ZFHX3: variants seen among roughly 807,000 people sequenced by gnomAD.
ZFHX3 encodes the protein zinc finger homeobox 3.
A neutral mutation model predicts 279.1 loss-of-function variants in ZFHX3; 42 were observed. That is an observed-to-expected ratio of 0.15 (90% CI 0.12 to 0.19). The LOEUF is 0.19. ZFHX3 is among the 10% of genes least tolerant of loss of function. The probability of loss-of-function intolerance (pLI) is 1.00; values close to 1 mark genes in which losing one functional copy is unlikely to be tolerated. For missense variants in ZFHX3, 4,981 were observed against 4,754.0 expected (o/e 1.05, Z -1.40); for synonymous variants, 2,293 against 1,957.8 (o/e 1.17, Z -4.52).
chr16:73,077,220 A>T (rs531952026), intron 8 of ZFHX3, among the ~76,000 whole-genome samples: 63 of 152,304 alleles, frequency 4.1e-4, no homozygotes, highest in East Asian at 1.9e-3. Context: ...GATTATATTG[A>T]TCATTTCCCC....
chr16:73,769,392 T>C (rs1292781344), intron 1 of ZFHX3, among the ~76,000 whole-genome samples: 2 of 152,160 alleles, frequency 1.3e-5, no homozygotes, highest in Non-Finnish European at 2.9e-5. Flanking sequence ...ACCTGGAAAA[T>C]GTCATAATGA....
At chr16:73,389,924 G>C (rs1475352458) in intron 3 of ZFHX3, among the ~76,000 whole-genome samples, 2 of 152,156 alleles carry the variant, frequency 1.3e-5, no homozygotes, top group Non-Finnish European at 2.9e-5. Context: ...GCCAGGTGTG[G>C]TGGCGCACGC....
chr16:73,150,711 C>T (rs1178586431), intron 5 of ZFHX3, among the ~76,000 whole-genome samples: 3 of 152,144 alleles, frequency 2.0e-5, no homozygotes. Flanking sequence ...ATGATTTGCT[C>T]TCATGATTTG....
intron 1 of ZFHX3, among the ~76,000 whole-genome samples, chr16:73,809,941 C>A (rs1019319182): frequency 1.3e-5 from 2 of 152,116 alleles, no homozygotes; most frequent in Non-Finnish European, 2.9e-5. Context: ...TGCTTGGTAG[C>A]AGTTCAAGGG....
intron 3 of ZFHX3, among the ~76,000 whole-genome samples, chr16:73,436,940 G>A (rs930826863): frequency 1.9e-4 from 29 of 152,102 alleles, no homozygotes; most frequent in Non-Finnish European, 4.1e-4. Context: ...TCCCTCCACA[G>A]ATGCCTTGAA....
rs1254690139 is a variant in ZFHX3, at chr16:72,797,526, A to G, written c.5156T>C (p.Ile1719Thr). 15 of 1,613,738 alleles carry G rather than the reference A, an allele frequency of 9.3e-6. No homozygotes were observed. The highest frequency in any genetic ancestry group is 2.7e-5 in the African/African-American group (2 of 74,848). ...EANRKKLADM[I>T]ASRQQQQQQQ... Reference sequence around the variant, plus strand: ...CTGTTGTTGCTGCTGCCTGGATGCAATCATATCTGCCAGTTTCTTCCGATT... The same window carrying G: ...CTGTTGTTGCTGCTGCCTGGATGCAGTCATATCTGCCAGTTTCTTCCGATT... The change falls in exon 9 of 10, where the codon ATT (isoleucine) becomes ACT (threonine). Residue 1719 changes from isoleucine to threonine, a missense_variant. This residue lies in a region of ZFHX3 where 1,751 missense variants were observed against 1,770.0 expected (regional missense o/e 0.99). Coordinates refer to ENST00000268489, the MANE Select transcript of ZFHX3 (RefSeq NM_006885.4).
chr16:73,759,770 G>C (rs1461770293), intron 1 of ZFHX3, among the ~76,000 whole-genome samples: 1 of 151,920 alleles, frequency 6.6e-6, no homozygotes, highest in Non-Finnish European at 1.5e-5. Flanking sequence ...TATGCCCTTT[G>C]AGTTTTGTGA....
chr16:73,265,015 C>CATATATATATATATATAT lies in ZFHX3; in HGVS notation c.-1193-7897_-1193-7880dup, dbSNP rs59599339. On this transcript the variant is annotated intron_variant, in intron 4 of 17. Coordinates refer to the ZFHX3 transcript ENST00000641206. ...TATATATATATATAGCACCTCAGTG[C>CATATATATATATATATAT]ATATATATATATATATATAACACCT... Among the ~76,000 whole-genome samples, 180 of 142,086 alleles carry CATATATATATATATATAT rather than the reference C, an allele frequency of 1.3e-3. 2 individuals are homozygous for CATATATATATATATATAT. The highest frequency in any genetic ancestry group is 4.1e-3 in the African/African-American group (160 of 38,694). The allele number at this position is 142,086 out of a possible 152,430, so 93.2% of individuals were successfully genotyped here.
At chr16:73,006,822 T>C (rs1332755713) in intron 1 of ZFHX3, among the ~76,000 whole-genome samples, 5 of 152,154 alleles carry the variant, frequency 3.3e-5, no homozygotes, top group African/African-American at 9.7e-5. Flanking sequence ...AACAGCATAA[T>C]ATGCACAACC....
intron 7 of ZFHX3, among the ~76,000 whole-genome samples, chr16:72,804,001 C>T (rs866212012): frequency 1.3e-5 from 2 of 152,230 alleles, no homozygotes; most frequent in Non-Finnish European, 2.9e-5. Context: ...AAGAAACCAT[C>T]AGCTGACTGG....
At chr16:73,706,431 G>A (rs1266861950) in intron 1 of ZFHX3, among the ~76,000 whole-genome samples, 2 of 147,606 alleles carry the variant, frequency 1.4e-5, no homozygotes, top group Non-Finnish European at 3.0e-5. Context: ...ACTCCAGCCT[G>A]GGTGACAAGA....
chr16:73,409,762 T>C (rs1050362076), intron 3 of ZFHX3, among the ~76,000 whole-genome samples: 5 of 152,158 alleles, frequency 3.3e-5, no homozygotes, highest in African/African-American at 1.2e-4. Flanking sequence ...CATAACACAA[T>C]GGAGTACTAT....
At chr16:73,112,701 G>A (rs189699907) in intron 7 of ZFHX3, among the ~76,000 whole-genome samples, 352 of 122,662 alleles carry the variant, frequency 2.9e-3, no homozygotes, top group African/African-American at 0.01. Flanking sequence ...GGGCGACGGC[G>A]TGAGACTCCA....
intron 1 of ZFHX3, chr16:72,973,926 G>A (rs1330458295): frequency 1.3e-5 from 2 of 152,180 alleles, no homozygotes; most frequent in African/African-American, 4.8e-5. Context: ...CTACATGCAA[G>A]TGAACCCCTG....
At chr16:73,250,635 G>A (rs1406438290) in intron 5 of ZFHX3, among the ~76,000 whole-genome samples, 4 of 152,062 alleles carry the variant, frequency 2.6e-5, no homozygotes, top group South Asian at 4.1e-4. Flanking sequence ...CTGGATTCAC[G>A]CCATTCTTCT....
At chr16:73,018,283 C>T (rs560834040) in intron 1 of ZFHX3, among the ~76,000 whole-genome samples, 2 of 151,630 alleles carry the variant, frequency 1.3e-5, no homozygotes, top group Non-Finnish European at 2.9e-5. Flanking sequence ...TGAGCATACA[C>T]GCCTGGCCAT....
chr16:73,167,339 T>C (rs2042765253), intron 5 of ZFHX3, among the ~76,000 whole-genome samples: 1 of 152,222 alleles, frequency 6.6e-6, no homozygotes, highest in Admixed American at 6.5e-5. Flanking sequence ...GCCACACGTT[T>C]AATCCATGTG....
chr16:73,722,916 A>G (rs1470301273), intron 1 of ZFHX3, among the ~76,000 whole-genome samples: 1 of 152,204 alleles, frequency 6.6e-6, no homozygotes, highest in Admixed American at 6.5e-5. Flanking sequence ...TTGGATGGTC[A>G]ATTCCAAACC....
In ZFHX3 at chr16:73,245,845, G is replaced by A. The variant is rs55986695; in HGVS notation, c.-1104+11202C>T. ...GAAGAAGTGAAAGCGTAAGAGTAAG[G>A]GTCCTAGAAGGTGAGAAGAGATGAC... On this transcript the variant is annotated intron_variant, in intron 5 of 17. Coordinates refer to the ZFHX3 transcript ENST00000641206. Among the ~76,000 whole-genome samples, 8 of 152,094 alleles carry A rather than the reference G, an allele frequency of 5.3e-5. No individual in the cohort carries two copies. In the South Asian group the frequency reaches 1.7e-3, roughly 32 times the overall value.
Sources: gnomAD v4.1 joint callset for allele counts (sites outside exome capture counted in the v4.1 genomes callset) on GRCh38, gnomAD v4.1.1 for gene constraint, gnomAD v4.1.1 regional missense constraint, MANE v1.5 for transcripts, NCBI Gene and HGNC (gene_info 2026-07-23, HGNC 2026-07-21) for gene names.